Variants in KIR3DL1 observed in about 807,000 individuals in gnomAD.
KIR3DL1 encodes killer cell immunoglobulin-like receptor 3DL1.
KIR3DL1 carries 50 observed loss-of-function variants against 40.3 expected under a neutral mutation model. The observed-to-expected ratio is 1.24, with a 90% CI of 0.99 to 1.57. The LOEUF is 1.57. KIR3DL1 is among the 40% of genes most tolerant of loss of function. The pLI is 0.00. For missense variants in KIR3DL1, 661 were observed against 559.9 expected (o/e 1.18, Z -1.82); for synonymous variants, 257 against 207.2 (o/e 1.24, Z -2.07).
chr19:54,821,176 T>C (rs1201287568), intron 4 of KIR3DL1, among the ~76,000 whole-genome samples: 1 of 149,792 alleles, frequency 6.7e-6, no homozygotes, highest in Non-Finnish European at 1.5e-5. Flanking sequence ...AGATAAGTGA[T>C]ACATAAATAT....
At chr19:54,820,406 C>A (rs2061575940) in intron 4 of KIR3DL1, among the ~76,000 whole-genome samples, 1 of 151,552 alleles carries the variant, frequency 6.6e-6, no homozygotes, top group African/African-American at 2.4e-5. Flanking sequence ...ATATTTCTGA[C>A]CTGAGTTGGG....
chr19:54,825,593 G>T (rs954995379), intron 6 of KIR3DL1, among the ~76,000 whole-genome samples: 3 of 150,036 alleles, frequency 2.0e-5, no homozygotes, highest in African/African-American at 7.5e-5. Context: ...CCATGCTCAG[G>T]CTGTGCAGTT....
chr19:54,821,994 A>C, intron 5 of KIR3DL1, 136 bp downstream of exon 5: 1 of 1,093,980 alleles, frequency 9.1e-7, no homozygotes, highest in Non-Finnish European at 1.3e-6. Flanking sequence ...GTCAGGGCGC[A>C]GGATGGCAGA....
Position 54,820,020 on chromosome 19 carries a change from T to C in KIR3DL1, c.655+8T>C. ...TGGACATCGTGGTCACAGGTGAGAGTGTCTAGACATTGTTCTCATTGTCAC... is the reference window on the plus strand; with the variant it reads ...TGGACATCGTGGTCACAGGTGAGAGCGTCTAGACATTGTTCTCATTGTCAC... On this transcript the variant is annotated splice_region_variant and intron_variant, in intron 4 of 8. Coordinates refer to ENST00000391728, the Ensembl canonical transcript of KIR3DL1. 6.2e-7 allele frequency: 1 copy of C among 1,607,554 alleles called. No individual in the cohort carries two copies. Among genetic ancestry groups the C allele is most frequent in the Non-Finnish European group, 8.5e-7 (1 of 1,176,750 alleles).
At chr19:54,824,083 A>T (rs1227578942) in intron 5 of KIR3DL1, among the ~76,000 whole-genome samples, 2 of 151,108 alleles carry the variant, frequency 1.3e-5, no homozygotes, top group Non-Finnish European at 2.9e-5. Flanking sequence ...TGTGGTGCAG[A>T]AGTTGCTTGG....
At chr19:54,823,512 T>C (rs555329889) in intron 5 of KIR3DL1, among the ~76,000 whole-genome samples, 12 of 151,470 alleles carry the variant, frequency 7.9e-5, no homozygotes, top group Non-Finnish European at 1.5e-5. Context: ...TTTATTTATG[T>C]TGAGATGGAG....
intron 3 of KIR3DL1, among the ~76,000 whole-genome samples, chr19:54,819,290 T>C (rs1381096877): frequency 1.9e-5 from 2 of 106,854 alleles, no homozygotes; most frequent in African/African-American, 5.6e-5. Context: ...TAGCCAGATG[T>C]GGTGGTGGGC....
Position 54,821,537 on chromosome 19 carries a change from C to T in KIR3DL1, c.656-28C>T, listed in dbSNP as rs1199828985. The T allele has an allele frequency of 2.7e-4, 432 of 1,594,890 alleles. 8 individuals carry two copies. In the Middle Eastern group the frequency reaches 6.9e-3, roughly 25 times the overall value. On this transcript the variant is annotated intron_variant, in intron 4 of 8. Transcript: ENST00000391728. ...GGAGCTATGACAAGGAAGAACCTCCCTGAGGAAACTGCCTCTTCTCCTTCC... is the reference window on the plus strand; with the variant it reads ...GGAGCTATGACAAGGAAGAACCTCCTTGAGGAAACTGCCTCTTCTCCTTCC...
intron 6 of KIR3DL1, among the ~76,000 whole-genome samples, chr19:54,828,297 T>C (rs1233575052): frequency 2.0e-5 from 3 of 151,402 alleles, no homozygotes; most frequent in East Asian, 1.9e-4. Context: ...GATGTAGAAA[T>C]CCTAAAGCAC....
intron 5 of KIR3DL1, among the ~76,000 whole-genome samples, chr19:54,824,577 G>C (rs1285314405): frequency 6.6e-6 from 1 of 151,344 alleles, no homozygotes; most frequent in East Asian, 1.9e-4. Context: ...TCGGGTGTTT[G>C]AGGCAAGAGA....
At chr19:54,821,069 G>T (rs1278134841) in intron 4 of KIR3DL1, among the ~76,000 whole-genome samples, 2 of 149,834 alleles carry the variant, frequency 1.3e-5, no homozygotes, top group African/African-American at 4.9e-5. Context: ...AGACAGAGAG[G>T]CAGACAGAGA....
chr19:54,828,892 G>A (rs1337704112), intron 6 of KIR3DL1, among the ~76,000 whole-genome samples: 2 of 141,194 alleles, frequency 1.4e-5, no homozygotes, highest in African/African-American at 5.1e-5. Flanking sequence ...GGGAAGGAGG[G>A]TCTGTCTGTG....
chr19:54,830,036 A>C, intron 8 of KIR3DL1, 56 bp downstream of exon 8: 1 of 1,522,444 alleles, frequency 6.6e-7, no homozygotes, highest in Non-Finnish European at 8.9e-7. Context: ...CAGTCCTGGA[A>C]AACGTGAGCA....
chr19:54,819,626 C>T (rs987726061), intron 3 of KIR3DL1, 87 bp from the exon 4 acceptor site: 27 of 1,449,238 alleles, frequency 1.9e-5, no homozygotes, highest in Middle Eastern at 5.0e-4. Context: ...GAGACAGACA[C>T]GGGGAGGGGA....
exon 5 of KIR3DL1, chr19:54,821,670 A>G (rs1387395840): frequency 2.5e-6 from 4 of 1,610,016 alleles, no homozygotes; most frequent in Non-Finnish European, 3.4e-6. Flanking sequence ...GACATGTACC[A>G]TCTATCCAGG....
intron 4 of KIR3DL1, 66 bp downstream of exon 4, chr19:54,820,078 AC>A: frequency 1.3e-6 from 2 of 1,529,210 alleles, no homozygotes; most frequent in Non-Finnish European, 9.0e-7. Context: ...AGGACTTGGA[AC>A]CCCCAGGTGG....
chr19:54,819,749 G>C, exon 4 of KIR3DL1: 2 of 1,610,102 alleles, frequency 1.2e-6, no homozygotes, highest in Non-Finnish European at 1.7e-6. Context: ...GCCCACCCAG[G>C]TCCCCTGGTG....
chr19:54,819,916 C>T lies in KIR3DL1; in HGVS notation c.559C>T (p.Leu187Phe), dbSNP rs374985414. The T allele has an allele frequency of 4.7e-5, 76 of 1,612,160 alleles. 3 individuals are homozygous for T. Among genetic ancestry groups the T allele is most frequent in the East Asian group, 1.8e-4 (8 of 44,802 alleles). ...CAATTTCTCCATCGGTCCCATGATG[C>T]TTGCCCTTGCAGGGACCTACAGATG... The change falls in exon 4 of 9, where the codon CTT becomes TTT. Residue 187 changes from leucine to phenylalanine, a missense_variant. Around this residue, in one of 3 missense-constraint regions of KIR3DL1, gnomAD observed 548 missense variants for 413.3 expected, o/e 1.33. Transcript: ENST00000391728.
At chr19:54,821,068 G>T (rs1350319389) in intron 4 of KIR3DL1, among the ~76,000 whole-genome samples, 2 of 149,912 alleles carry the variant, frequency 1.3e-5, no homozygotes, top group Admixed American at 1.3e-4. Flanking sequence ...GAGACAGAGA[G>T]GCAGACAGAG....
Sources: allele counts gnomAD v4.1 joint callset (sites outside exome capture counted in the v4.1 genomes callset), GRCh38; gene constraint gnomAD v4.1.1; regional missense constraint gnomAD v4.1.1; transcripts MANE v1.5; gene names NCBI Gene and HGNC (gene_info 2026-07-23, HGNC 2026-07-21).